PCSK5: variants seen among roughly 807,000 people sequenced by gnomAD.
The protein encoded by PCSK5 is prohormone convertase 5.
In PCSK5, 129 loss-of-function variants were observed where a neutral mutation model predicts 233.2. The ratio of observed to expected loss-of-function variants is 0.55; its 90% CI spans 0.48 to 0.64. PCSK5 has a LOEUF of 0.64. Ranked by LOEUF, PCSK5 falls within the 30% of genes least tolerant of loss-of-function variation. PCSK5 has a pLI of 0.00. For missense variants in PCSK5, 2,076 were observed against 2,430.1 expected (o/e 0.85, Z 3.06); for synonymous variants, 825 against 879.2 (o/e 0.94, Z 1.09).
Position 76,355,494 on chromosome 9 carries a change from A to G in PCSK5, c.5254+1275A>G, listed in dbSNP as rs142704093. Reference sequence around the variant, plus strand: ...TCTCAAAAAAAGAAAAGAAAAGAAAAAAAAAGAAACATATATTCTTAAAAT... The same window carrying G: ...TCTCAAAAAAAGAAAAGAAAAGAAAGAAAAAGAAACATATATTCTTAAAAT... On this transcript the variant is annotated intron_variant, in intron 37 of 37. Coordinates refer to ENST00000674117, the MANE Select transcript of PCSK5 (RefSeq NM_001372043.1). Among the ~76,000 whole-genome samples, 1,083 of 152,190 alleles carry G rather than the reference A, an allele frequency of 7.1e-3. 8 individuals are homozygous for G. Among genetic ancestry groups the G allele is most frequent in the Middle Eastern group, 0.017 (5 of 294 alleles).
intron 1 of PCSK5, among the ~76,000 whole-genome samples, chr9:75,905,977 ATAGT>A (rs1467605490): frequency 1.3e-5 from 2 of 152,214 alleles, no homozygotes; most frequent in Non-Finnish European, 2.9e-5. Flanking sequence ...AGCTGTTAAA[ATAGT>A]TATTGAGTAC....
intron 20 of PCSK5, chr9:76,205,301 G>A: frequency 1.9e-6 from 1 of 517,942 alleles, no homozygotes; most frequent in Admixed American, 1.9e-5. Context: ...ACCCGCCTAT[G>A]CTGTTCCCAC....
At chr9:76,166,032 TAAG>T (rs1284689416) in intron 12 of PCSK5, among the ~76,000 whole-genome samples, 1 of 152,194 alleles carries the variant, frequency 6.6e-6, no homozygotes, top group Non-Finnish European at 1.5e-5. Flanking sequence ...TGGTAGAAAA[TAAG>T]AAGTAGCTGA....
intron 37 of PCSK5, among the ~76,000 whole-genome samples, chr9:76,354,777 A>C (rs1830255064): frequency 6.6e-6 from 1 of 152,160 alleles, no homozygotes; most frequent in African/African-American, 2.4e-5. Flanking sequence ...ATGCTGTCTA[A>C]ATTTTTTTTT....
intron 34 of PCSK5, among the ~76,000 whole-genome samples, chr9:76,337,494 G>A (rs970826940): frequency 2.0e-5 from 3 of 151,604 alleles, no homozygotes; most frequent in Non-Finnish European, 4.4e-5. Flanking sequence ...CTTTTTTTGA[G>A]ACGGAGTCTC....
intron 2 of PCSK5, among the ~76,000 whole-genome samples, chr9:75,976,079 G>C (rs1232317054): frequency 6.6e-6 from 1 of 152,102 alleles, no homozygotes; most frequent in Non-Finnish European, 1.5e-5. Context: ...AATCGAAATT[G>C]TTTGCAAATT....
At chr9:76,351,228 C>T (rs998375309) in intron 36 of PCSK5, among the ~76,000 whole-genome samples, 11 of 151,946 alleles carry the variant, frequency 7.2e-5, no homozygotes, top group Non-Finnish European at 1.5e-4. Context: ...TTTCAGTCAA[C>T]ATAAGAATAC....
At chr9:76,214,788 C>T (rs1477728361) in intron 20 of PCSK5, among the ~76,000 whole-genome samples, 1 of 152,070 alleles carries the variant, frequency 6.6e-6, no homozygotes, top group African/African-American at 2.4e-5. Flanking sequence ...CCTTGGTTTC[C>T]TCATCTGTAA....
In PCSK5 at chr9:75,980,745, T is replaced by C. The variant is rs567016963; in HGVS notation, c.298-5387T>C. Among the ~76,000 whole-genome samples, 90 of 103,886 alleles carry C rather than the reference T, an allele frequency of 8.7e-4. 1 individual carries two copies. Among genetic ancestry groups the C allele is most frequent in the Non-Finnish European group, 1.8e-3 (85 of 47,748 alleles). 68.2% of individuals were successfully genotyped at this position (103,886 alleles called of 152,430 possible). Reference sequence around the variant, plus strand: ...TAACAAATGCTTTTGCTAAATTCTCTGATTTTTTTTTTTTTCTCACCAGTT... The same window carrying C: ...TAACAAATGCTTTTGCTAAATTCTCCGATTTTTTTTTTTTTCTCACCAGTT... On this transcript the variant is annotated intron_variant, in intron 2 of 37. Transcript: ENST00000674117.
chr9:75,979,757 C>A (rs1263420963), intron 2 of PCSK5, among the ~76,000 whole-genome samples: 1 of 152,172 alleles, frequency 6.6e-6, no homozygotes, highest in Non-Finnish European at 1.5e-5. Flanking sequence ...ATTAAAATAT[C>A]ACATCTTTCA....
intron 24 of PCSK5, among the ~76,000 whole-genome samples, chr9:76,249,753 G>A (rs1014020449): frequency 6.6e-6 from 1 of 152,118 alleles, no homozygotes; most frequent in African/African-American, 2.4e-5. Context: ...AAAGTAAGGA[G>A]GTGCTCAAAG....
chr9:75,982,020 G>A (rs1239593761), intron 2 of PCSK5, among the ~76,000 whole-genome samples: 2 of 152,178 alleles, frequency 1.3e-5, no homozygotes, highest in Non-Finnish European at 2.9e-5. Context: ...AAAGCAACCA[G>A]TTTATCAGGT....
At chr9:75,989,625 C>T (rs940601969) in intron 3 of PCSK5, among the ~76,000 whole-genome samples, 5 of 152,106 alleles carry the variant, frequency 3.3e-5, no homozygotes, top group African/African-American at 1.2e-4. Context: ...TTGGTGAGAG[C>T]GGGAAGCTAG....
At chr9:76,034,166 C>T (rs1055889996) in intron 5 of PCSK5, among the ~76,000 whole-genome samples, 2 of 152,152 alleles carry the variant, frequency 1.3e-5, no homozygotes, top group African/African-American at 2.4e-5. Context: ...GCCATCCCTT[C>T]CCCTTCATCT....
intron 1 of PCSK5, among the ~76,000 whole-genome samples, chr9:75,903,834 A>G (rs1175251461): frequency 6.6e-6 from 1 of 151,700 alleles, no homozygotes; most frequent in East Asian, 1.9e-4. Context: ...AGATCATCCC[A>G]GGGCCTATAA....
At chr9:76,064,340 G>GTCT (rs1830178066) in intron 5 of PCSK5, among the ~76,000 whole-genome samples, 1 of 109,608 alleles carries the variant, frequency 9.1e-6, no homozygotes, top group African/African-American at 4.2e-5. Context: ...CCCGGACGGG[G>GTCT]CGGCTGGCCG....
At chr9:75,998,381 A>G (rs11999220) in intron 3 of PCSK5, among the ~76,000 whole-genome samples, 60 of 152,292 alleles carry the variant, frequency 3.9e-4, no homozygotes, top group African/African-American at 1.3e-3. Flanking sequence ...TGTTTTTGCA[A>G]TTAGTGCTTA....
chr9:76,093,776 G>C (rs1217231684), intron 7 of PCSK5, among the ~76,000 whole-genome samples: 2 of 152,122 alleles, frequency 1.3e-5, no homozygotes, highest in Non-Finnish European at 2.9e-5. Context: ...GTCTGATAGA[G>C]AGGGAACATA....
chr9:76,038,922 C>A (rs1029039), intron 5 of PCSK5, among the ~76,000 whole-genome samples: 60,764 of 151,922 alleles, frequency 0.4, 12,568 homozygotes, highest in African/African-American at 0.49. Flanking sequence ...AATTGTTCAA[C>A]CAACCTTCCT....
Sources: gnomAD v4.1 joint callset for allele counts (sites outside exome capture counted in the v4.1 genomes callset) on GRCh38, gnomAD v4.1.1 for gene constraint, MANE v1.5 for transcripts, NCBI Gene and HGNC (gene_info 2026-07-23, HGNC 2026-07-21) for gene names.